CD1B: variants seen among roughly 807,000 people sequenced by gnomAD.
The protein encoded by CD1B is T-cell surface glycoprotein CD1b.
Under a neutral mutation model 39.8 loss-of-function variants are expected in CD1B, and 43 were observed. The ratio of observed to expected loss-of-function variants is 1.08; its 90% CI spans 0.85 to 1.39. CD1B has a LOEUF of 1.39. Among genes scored for constraint, CD1B ranks in the 40% most tolerant of loss-of-function variants. The pLI is 0.00. For synonymous variants in CD1B, 192 were observed against 152.5 expected, an observed-to-expected ratio of 1.26 and a Z score of -1.91; for missense variants, 495 against 403.8, an observed-to-expected ratio of 1.23 and a Z score of -1.94.
the CD1B span, among the ~76,000 whole-genome samples, chr1:158,295,042 C>A: frequency 6.6e-6 from 1 of 152,146 alleles, no homozygotes; most frequent in South Asian, 2.1e-4. Flanking sequence ...CTGTGACCTG[C>A]AGATACAGAG....
chr1:158,324,548 A>G (rs1457904635), downstream of CD1B, among the ~76,000 whole-genome samples: 4 of 152,200 alleles, frequency 2.6e-5, no homozygotes, highest in South Asian at 6.2e-4. Flanking sequence ...TGTGGGAGAA[A>G]AGAGAAGTAG....
the CD1B span, among the ~76,000 whole-genome samples, chr1:158,296,975 T>A: frequency 6.6e-6 from 1 of 152,156 alleles, no homozygotes; most frequent in African/African-American, 2.4e-5. Context: ...CTGTACTCAC[T>A]GATGTCCCTG....
At chr1:158,322,541 G>T in the CD1B span, among the ~76,000 whole-genome samples, 111 of 151,694 alleles carry the variant, frequency 7.3e-4, 4 homozygotes, top group South Asian at 0.023. Flanking sequence ...AAGTGGTGGG[G>T]TTACAGCCAT....
Position 158,329,762 on chromosome 1 carries a change from T to C in CD1B, c.607+90A>G. ...CCCATTCACTCCTTTGGGAACCAAATAACTTGTTATTTAAGCTCCTATCCT... is the reference window on the plus strand; with the variant it reads ...CCCATTCACTCCTTTGGGAACCAAACAACTTGTTATTTAAGCTCCTATCCT... On this transcript the variant is annotated intron_variant, in intron 3 of 5. Transcript: ENST00000368168. 3 of 1,557,840 alleles carry C rather than the reference T, an allele frequency of 1.9e-6. No individual in the cohort carries two copies. The East Asian group carries it at 6.7e-5, about 35-fold the overall frequency.
the CD1B span, among the ~76,000 whole-genome samples, chr1:158,302,628 C>T: frequency 1.5e-3 from 234 of 152,182 alleles, 1 homozygote; most frequent in African/African-American, 5.5e-3. Context: ...CATAGAAATA[C>T]AAAAACCACT....
the CD1B span, among the ~76,000 whole-genome samples, chr1:158,315,284 G>C: frequency 3.3e-5 from 5 of 152,180 alleles, no homozygotes; most frequent in South Asian, 8.3e-4. Flanking sequence ...CAGTGTAAAA[G>C]TGTTCCTATT....
the CD1B span, among the ~76,000 whole-genome samples, chr1:158,314,718 C>G: frequency 1.3e-5 from 2 of 151,782 alleles, no homozygotes; most frequent in African/African-American, 4.8e-5. Context: ...ATGTTAGTTA[C>G]GTATGTATAC....
chr1:158,326,127 T>C (rs1027886085), downstream of CD1B, among the ~76,000 whole-genome samples: 1 of 152,082 alleles, frequency 6.6e-6, no homozygotes, highest in African/African-American at 2.4e-5. Flanking sequence ...CCCACCATCA[T>C]GCCCGGCTAA....
chr1:158,309,783 A>T, the CD1B span, among the ~76,000 whole-genome samples: 6 of 148,118 alleles, frequency 4.1e-5, no homozygotes, highest in Admixed American at 7.0e-5. Context: ...TTGAACAATG[A>T]GAACACATGG....
the CD1B span, among the ~76,000 whole-genome samples, chr1:158,309,756 T>C: frequency 2.1e-5 from 3 of 141,654 alleles, no homozygotes; most frequent in Non-Finnish European, 4.5e-5. Flanking sequence ...CTGCATGTTC[T>C]CACTCACCGG....
chr1:158,314,487 C>T, the CD1B span, among the ~76,000 whole-genome samples: 20 of 152,148 alleles, frequency 1.3e-4, no homozygotes, highest in Middle Eastern at 3.4e-3. Flanking sequence ...CGTTGCTTCT[C>T]TTCTACTAGT....
the CD1B span, among the ~76,000 whole-genome samples, chr1:158,320,243 G>C: frequency 1.3e-5 from 2 of 152,150 alleles, no homozygotes; most frequent in Non-Finnish European, 2.9e-5. Flanking sequence ...AATGGTGGGC[G>C]CCCCTGCCTC....
chr1:158,293,361 A>C, the CD1B span: 2 of 1,591,940 alleles, frequency 1.3e-6, no homozygotes, highest in Non-Finnish European at 1.7e-6. Context: ...TCCATTTTTC[A>C]CTCTCTTAGC....
chr1:158,320,666 G>A, the CD1B span, among the ~76,000 whole-genome samples: 30 of 152,188 alleles, frequency 2.0e-4, no homozygotes, highest in Admixed American at 5.9e-4. Context: ...TTCCTATTTG[G>A]CCATCTTGGC....
chr1:158,329,635 G>A lies in CD1B; in HGVS notation c.621C>T (p.Ala207=), dbSNP rs2101714218. The A allele has an allele frequency of 6.2e-7, 1 of 1,613,980 alleles. No homozygotes were observed. Among genetic ancestry groups the A allele is most frequent in the East Asian group, 2.2e-5 (1 of 44,850 alleles). ...CAGGACTGGGGCCACTGGACAGCCAGGCCTCAGGCTTCACTAAGGCAGGAA... is the reference window on the plus strand; with the variant it reads ...CAGGACTGGGGCCACTGGACAGCCAAGCCTCAGGCTTCACTAAGGCAGGAA... ...ADLQRQVKPE[A]WLSSGPSPGP... Residue 207 remains alanine, a synonymous_variant, in exon 4 of 6, where the codon GCC becomes GCT. Coordinates refer to ENST00000368168, the MANE Select transcript of CD1B (RefSeq NM_001764.3).
chr1:158,320,264 C>A, the CD1B span, among the ~76,000 whole-genome samples: 1 of 152,322 alleles, frequency 6.6e-6, no homozygotes, highest in African/African-American at 2.4e-5. Flanking sequence ...AGCCTCACTG[C>A]CGCCTTGCAG....
downstream of CD1B, among the ~76,000 whole-genome samples, chr1:158,326,168 T>A (rs1652345539): frequency 6.6e-6 from 1 of 151,978 alleles, no homozygotes; most frequent in African/African-American, 2.4e-5. Context: ...GAGATGGGGT[T>A]TCACCGTGTT....
chr1:158,313,976 G>T, the CD1B span, among the ~76,000 whole-genome samples: 1 of 151,848 alleles, frequency 6.6e-6, no homozygotes, highest in Non-Finnish European at 1.5e-5. Flanking sequence ...GGTCTCTTAT[G>T]GTCCTTTGTA....
chr1:158,302,139 G>C, the CD1B span, among the ~76,000 whole-genome samples: 1 of 152,040 alleles, frequency 6.6e-6, no homozygotes, highest in African/African-American at 2.4e-5. Flanking sequence ...ATCAAGAAGA[G>C]CTCTGAAAAA....
Sources: allele counts gnomAD v4.1 joint callset (sites outside exome capture counted in the v4.1 genomes callset), GRCh38; gene constraint gnomAD v4.1.1; transcripts MANE v1.5; gene names NCBI Gene and HGNC (gene_info 2026-07-23, HGNC 2026-07-21).